The following SULT1C2 variants were observed in gnomAD, a reference collection of about 807,000 sequenced individuals.
SULT1C2 encodes sulfotransferase 1C2.
A neutral mutation model predicts 36.0 loss-of-function variants in SULT1C2; 27 were observed. That is an observed-to-expected ratio of 0.75 (90% confidence interval 0.55 to 1.03). The LOEUF (loss-of-function observed/expected upper bound fraction) is 1.03, where lower values mean the gene tolerates loss of function less well. Ranked by LOEUF, SULT1C2 falls within the 50% of genes least tolerant of loss-of-function variation. The pLI is 0.00. For missense variants in SULT1C2, 395 were observed against 359.2 expected (o/e 1.10, Z -0.80); for synonymous variants, 121 against 116.0 (o/e 1.04, Z -0.27).
At chr2:108,293,613 T>A in intron 1 of SULT1C2, 34 bp from the exon 2 acceptor site, 2 of 1,543,564 alleles carry the variant, frequency 1.3e-6, no homozygotes, top group South Asian at 1.3e-5. Flanking sequence ...TTACCACAAC[T>A]TCTTTAAAAA....
chr2:108,303,684 A>G (rs1676947144), intron 4 of SULT1C2: 1 of 152,226 alleles, frequency 6.6e-6, no homozygotes, highest in African/African-American at 2.4e-5. Context: ...CACTCCTGAC[A>G]TTTGGGGCAG....
chr2:108,293,813 A>C lies in SULT1C2; in HGVS notation c.146A>C (p.Lys49Thr). Residue 49 changes from lysine (K) to threonine (T), a missense_variant, in exon 2 of 8, where the codon AAA becomes ACA. By Grantham distance (78) the Lys-to-Thr change is moderately conservative. Coordinates refer to ENST00000251481, the MANE Select transcript of SULT1C2 (RefSeq NM_001056.4). ...GATCTCCTCATCTGCACCTACCCTA[A>C]AGCAGGTGATTGCAGGGTAGGAGGG... Reference protein sequence around the residue: ...PDDLLICTYPKAGTTWIQEIV... With the variant: ...PDDLLICTYPTAGTTWIQEIV... 1 of 1,613,680 alleles carries C rather than the reference A, an allele frequency of 6.2e-7. No individual in the cohort carries two copies. The highest frequency in any genetic ancestry group is 8.5e-7 in the Non-Finnish European group (1 of 1,179,868).
intron 3 of SULT1C2, among the ~76,000 whole-genome samples, chr2:108,297,023 T>A (rs1291285541): frequency 6.6e-6 from 1 of 152,180 alleles, no homozygotes. Context: ...CCACAGAGAA[T>A]TGGTTTGGAA....
At chr2:108,305,057 A>T in intron 5 of SULT1C2, 115 bp from the exon 6 acceptor site, 2 of 1,149,796 alleles carry the variant, frequency 1.7e-6, no homozygotes, top group Non-Finnish European at 2.6e-6. Flanking sequence ...CTTAGGACAT[A>T]TCTAATACAG....
chr2:108,305,730 C>T (rs1677008652), intron 7 of SULT1C2, 135 bp downstream of exon 7: 2 of 1,160,326 alleles, frequency 1.7e-6, no homozygotes, highest in Non-Finnish European at 2.5e-6. Context: ...CTAATAAAAC[C>T]AGGGATTTGA....
chr2:108,305,885 C>T (rs946604935), intron 7 of SULT1C2, among the ~76,000 whole-genome samples: 1 of 152,182 alleles, frequency 6.6e-6, no homozygotes, highest in South Asian at 2.1e-4. Context: ...ACATAGAAAA[C>T]TAGGAAGAGG....
At chr2:108,293,573 T>A in intron 1 of SULT1C2, 74 bp from the exon 2 acceptor site, 1 of 1,426,840 alleles carries the variant, frequency 7.0e-7, no homozygotes, top group Non-Finnish European at 9.5e-7. Flanking sequence ...TAACGATGGT[T>A]AAAATGATCA....
At chr2:108,292,781 C>T (rs116697315) in intron 1 of SULT1C2, among the ~76,000 whole-genome samples, 4,423 of 152,038 alleles carry the variant, frequency 0.029, 224 homozygotes, top group African/African-American at 0.1. Context: ...TGAGTATATA[C>T]CAAAAAAAAT....
At chr2:108,292,013 C>T (rs941013477) in intron 1 of SULT1C2, among the ~76,000 whole-genome samples, 11 of 152,168 alleles carry the variant, frequency 7.2e-5, no homozygotes, top group African/African-American at 2.7e-4. Context: ...GAAGCAGAAG[C>T]CACCATGAAA....
chr2:108,298,672 GC>G, intron 3 of SULT1C2: 1 of 388,382 alleles, frequency 2.6e-6, no homozygotes. Context: ...GTGAGCCACT[GC>G]CCCTGGTCTT....
In SULT1C2 at chr2:108,308,483, T is replaced by C; in HGVS notation, c.*19T>C. On this transcript the variant is annotated 3_prime_UTR_variant, in exon 8 of 8. Coordinates refer to ENST00000251481, the MANE Select transcript of SULT1C2 (RefSeq NM_001056.4). ...ACTCTGAGCAAGATGTAAATAAAAT[T>C]AAAAGGTGGATGGCAAGAGTGCAAA... is the stretch of plus-strand genomic sequence containing the variant. The C allele has an allele frequency of 6.3e-7, 1 of 1,584,936 alleles. No homozygotes were observed. Among genetic ancestry groups the C allele is most frequent in the Non-Finnish European group, 8.6e-7 (1 of 1,167,722 alleles).
At chr2:108,304,540 C>T in intron 4 of SULT1C2, 34 bp from the exon 5 acceptor site, 1 of 1,567,400 alleles carries the variant, frequency 6.4e-7, no homozygotes, top group Non-Finnish European at 8.6e-7. Flanking sequence ...ACTTTTTATA[C>T]CATCTTTTAC....
At chr2:108,292,783 A>C (rs1412952016) in intron 1 of SULT1C2, among the ~76,000 whole-genome samples, 2 of 152,100 alleles carry the variant, frequency 1.3e-5, no homozygotes, top group Non-Finnish European at 2.9e-5. Flanking sequence ...AGTATATACC[A>C]AAAAAAATTG....
At chr2:108,292,782 C>CA (rs1553419238) in intron 1 of SULT1C2, among the ~76,000 whole-genome samples, 1 of 151,632 alleles carries the variant, frequency 6.6e-6, no homozygotes, top group Non-Finnish European at 1.5e-5. Context: ...GAGTATATAC[C>CA]AAAAAAAATT....
In SULT1C2 at chr2:108,305,246, T is replaced by A; in HGVS notation, c.577T>A (p.Phe193Ile). The A allele has an allele frequency of 6.2e-7, 1 of 1,614,166 alleles. No homozygotes were observed. Among genetic ancestry groups the A allele is most frequent in the East Asian group, 2.2e-5 (1 of 44,886 alleles). Residue 193 changes from phenylalanine (F) to isoleucine (I), a missense_variant, in exon 6 of 8, where the codon TTC becomes ATC. Transcript: ENST00000251481. ...MKDRHQILFL[F>I]YEDIKRDPKH... The stretch of plus-strand genomic sequence containing the variant: ...AGACAGACACCAGATTCTCTTCCTC[T>A]TCTATGAGGACATAAAGAGGGTGAG...
chr2:108,304,611 T>C lies in SULT1C2; in HGVS notation c.413T>C (p.Val138Ala). 1 of 1,613,490 alleles carries C rather than the reference T, an allele frequency of 6.2e-7. No homozygotes were observed. The highest frequency in any genetic ancestry group is 8.5e-7 in the Non-Finnish European group (1 of 1,179,820). ...YVARNAKDCM[V>A]SYYHFQRMNH... ...GCTCGAAATGCCAAAGACTGTATGG[T>C]TTCCTACTACCATTTCCAAAGGATG... Residue 138 changes from valine (V) to alanine (A), a missense_variant, in exon 5 of 8, where the codon GTT becomes GCT. By Grantham distance (64) the Val-to-Ala change is moderately conservative (BLOSUM62 0). Transcript: ENST00000251481.
In SULT1C2 at chr2:108,289,047, C is replaced by T. The variant is rs1306268131; in HGVS notation, c.-45C>T. 1 of 152,624 alleles carries T rather than the reference C, an allele frequency of 6.6e-6. No individual in the cohort carries two copies. The highest frequency in any genetic ancestry group is 1.5e-5 in the Non-Finnish European group (1 of 68,042). The allele number at this position is 152,624 out of a possible 1,614,324, so 9.5% of individuals were successfully genotyped here. A position where few individuals can be genotyped will look rare whatever the true frequency, so the allele number is the denominator to read the frequency against. On this transcript the variant is annotated 5_prime_UTR_variant, in exon 1 of 8. Coordinates refer to ENST00000251481, the MANE Select transcript of SULT1C2 (RefSeq NM_001056.4). The stretch of plus-strand genomic sequence containing the variant: ...GACCCTTGAGTGGGCCTTTGAGCTG[C>T]TGACTTTCAGCTGGAACTTGAAGGT...
At chr2:108,293,902 A>C (rs188830575) in intron 2 of SULT1C2, 84 bp downstream of exon 2, 2 of 1,531,816 alleles carry the variant, frequency 1.3e-6, no homozygotes, top group Admixed American at 4.1e-5. Context: ...CTTCTTAGGA[A>C]ACCTGCTCCT....
At chr2:108,290,333 A>G (rs968068641) in intron 1 of SULT1C2, among the ~76,000 whole-genome samples, 2 of 152,196 alleles carry the variant, frequency 1.3e-5, no homozygotes, top group African/African-American at 4.8e-5. Flanking sequence ...AATAGGTCTC[A>G]TCCTAGCAGC....
Sources: gnomAD v4.1 joint callset for allele counts (sites outside exome capture counted in the v4.1 genomes callset) on GRCh38, gnomAD v4.1.1 for gene constraint, MANE v1.5 for transcripts, NCBI Gene and HGNC (gene_info 2026-07-23, HGNC 2026-07-21) for gene names.